DPH6: variants seen among roughly 807,000 people sequenced by gnomAD.
DPH6 encodes the protein diphthine--ammonia ligase.
Under a neutral mutation model 38.2 loss-of-function variants are expected in DPH6, and 33 were observed. The ratio of observed to expected loss-of-function variants is 0.86; its 90% CI spans 0.65 to 1.15. The LOEUF is 1.15. Among genes scored for constraint, DPH6 ranks in the 50% most tolerant of loss-of-function variants. The pLI is 0.00. For synonymous variants in DPH6, 108 were observed against 103.0 expected, an observed-to-expected ratio of 1.05 and a Z score of -0.30; for missense variants, 325 against 320.0, an observed-to-expected ratio of 1.02 and a Z score of -0.12.
Position 35,289,566 on chromosome 15 carries a change from T to C in DPH6, n.201-68984A>G, listed in dbSNP as rs144653525. Among the ~76,000 whole-genome samples the C allele has an allele frequency of 3.2e-3, 486 of 152,354 alleles. 1 individual carries two copies. Among genetic ancestry groups the C allele is most frequent in the Non-Finnish European group, 5.2e-3 (351 of 68,026 alleles). On this transcript the variant is annotated intron_variant and non_coding_transcript_variant, in intron 3 of 3. Transcript: ENST00000560386. ...AAAAGATTGAAAGAATCTCATATTA[T>C]TGTTCAGAGATGTGATTGTAAAAAA...
intron 3 of DPH6, among the ~76,000 whole-genome samples, chr15:35,504,985 T>G (rs1050691965): frequency 6.6e-6 from 1 of 152,116 alleles, no homozygotes; most frequent in East Asian, 1.9e-4. Context: ...TTACCAGGTA[T>G]CCACATGAAC....
At chr15:35,490,937 G>GAGAAAT (rs2054468143) in intron 3 of DPH6, among the ~76,000 whole-genome samples, 1 of 152,102 alleles carries the variant, frequency 6.6e-6, no homozygotes, top group Admixed American at 6.6e-5. Context: ...CATGGCAGAA[G>GAGAAAT]ACACCATGTG....
chr15:35,379,002 C>G (rs996491565), intron 7 of DPH6, among the ~76,000 whole-genome samples: 1 of 152,126 alleles, frequency 6.6e-6, no homozygotes, highest in Non-Finnish European at 1.5e-5. Flanking sequence ...AACAAACCCC[C>G]GAGGTATTGG....
At chr15:35,351,883 G>T (rs189447843) in intron 3 of DPH6, among the ~76,000 whole-genome samples, 1 of 151,924 alleles carries the variant, frequency 6.6e-6, no homozygotes, top group African/African-American at 2.4e-5. Flanking sequence ...CAGCACACTT[G>T]GCTAATTAAA....
At chr15:35,381,943 A>G (rs1233867239) in intron 6 of DPH6, 27 bp from the exon 7 acceptor site, 12 of 1,554,734 alleles carry the variant, frequency 7.7e-6, no homozygotes, top group Admixed American at 5.3e-5. Context: ...ACAAAAAACA[A>G]GAAAGAAGTT....
intron 3 of DPH6, among the ~76,000 whole-genome samples, chr15:35,226,579 A>G (rs1283099673): frequency 1.3e-5 from 2 of 152,236 alleles, no homozygotes; most frequent in Non-Finnish European, 2.9e-5. Flanking sequence ...CCTGGGATAC[A>G]TTTACAATAG....
chr15:35,408,086 G>A (rs1430401417), intron 6 of DPH6, among the ~76,000 whole-genome samples: 1 of 151,974 alleles, frequency 6.6e-6, no homozygotes, highest in Non-Finnish European at 1.5e-5. Context: ...GGTGGTAGTA[G>A]TAGAGACAGT....
At chr15:35,262,662 T>C (rs374326479) in intron 3 of DPH6, among the ~76,000 whole-genome samples, 1,410 of 127,602 alleles carry the variant, frequency 0.011, 16 homozygotes, top group African/African-American at 0.036. Context: ...GCAGAGATGG[T>C]GCCACTGCAC....
intron 3 of DPH6, among the ~76,000 whole-genome samples, chr15:35,324,725 A>G (rs961960793): frequency 2.0e-5 from 3 of 152,124 alleles, no homozygotes; most frequent in African/African-American, 7.2e-5. Context: ...AAACCAAAAC[A>G]AGCACAAAAA....
At chr15:35,481,955 G>A (rs2054332606) in intron 3 of DPH6, among the ~76,000 whole-genome samples, 1 of 152,126 alleles carries the variant, frequency 6.6e-6, no homozygotes, top group African/African-American at 2.4e-5. Context: ...CTATCTCAAG[G>A]ATCTGGAAAC....
intron 3 of DPH6, among the ~76,000 whole-genome samples, chr15:35,462,503 A>C (rs978663561): frequency 6.6e-6 from 1 of 152,080 alleles, no homozygotes. Flanking sequence ...TCAAACACCT[A>C]TGCTTGTTTC....
the DPH6 span, among the ~76,000 whole-genome samples, chr15:35,167,360 C>T: frequency 6.6e-6 from 1 of 151,688 alleles, no homozygotes; most frequent in Non-Finnish European, 1.5e-5. Context: ...AGCATTTCCA[C>T]TTTATAGAAA....
chr15:35,492,097 T>C (rs1384197219), intron 3 of DPH6, among the ~76,000 whole-genome samples: 1 of 151,954 alleles, frequency 6.6e-6, no homozygotes, highest in Non-Finnish European at 1.5e-5. Flanking sequence ...TAGATTCCAG[T>C]CCAAGTCTCA....
downstream of DPH6, among the ~76,000 whole-genome samples, chr15:35,214,766 C>G (rs1360781367): frequency 6.6e-6 from 1 of 152,270 alleles, no homozygotes; most frequent in African/African-American, 2.4e-5. Context: ...ACCACCACAT[C>G]CGGCTAATTT....
chr15:35,216,706 T>G (rs184771415), downstream of DPH6, among the ~76,000 whole-genome samples: 1 of 152,308 alleles, frequency 6.6e-6, no homozygotes, highest in African/African-American at 2.4e-5. Context: ...AATACACCAT[T>G]CCTACTCTGA....
At chr15:35,229,274 G>T (rs1483300817) in intron 3 of DPH6, among the ~76,000 whole-genome samples, 1 of 151,798 alleles carries the variant, frequency 6.6e-6, no homozygotes, top group Non-Finnish European at 1.5e-5. Context: ...CAAATAGACT[G>T]TCTTCAAGTT....
the DPH6 span, among the ~76,000 whole-genome samples, chr15:35,157,425 G>C: frequency 6.6e-6 from 1 of 151,950 alleles, no homozygotes; most frequent in East Asian, 1.9e-4. Context: ...TTAAAATCTT[G>C]GGGGGTATTA....
At chr15:35,282,558 A>G (rs532685555) in intron 3 of DPH6, 3 of 276,382 alleles carry the variant, frequency 1.1e-5, no homozygotes, top group Non-Finnish European at 2.3e-5. Flanking sequence ...CACTGTGCCA[A>G]CCCTTCAGAT....
intron 3 of DPH6, among the ~76,000 whole-genome samples, chr15:35,290,394 G>C (rs2051972664): frequency 6.6e-6 from 1 of 152,190 alleles, no homozygotes; most frequent in Non-Finnish European, 1.5e-5. Flanking sequence ...ACCAGGGCAG[G>C]CAGACACCAA....
Sources: allele counts gnomAD v4.1 joint callset (sites outside exome capture counted in the v4.1 genomes callset), GRCh38; gene constraint gnomAD v4.1.1; transcripts MANE v1.5; gene names NCBI Gene and HGNC (gene_info 2026-07-23, HGNC 2026-07-21).